Variants in SBF2 observed in about 807,000 individuals in gnomAD.
The protein encoded by SBF2 is SET binding factor 2.
A neutral mutation model predicts 225.2 loss-of-function variants in SBF2; 112 were observed. The observed-to-expected ratio is 0.50, with a 90% CI of 0.43 to 0.58. The LOEUF (loss-of-function observed/expected upper bound fraction) is 0.58. SBF2 is among the 20% of genes least tolerant of loss of function. The pLI, the probability that SBF2 is intolerant of heterozygous loss-of-function variation, is 0.00. For synonymous variants in SBF2, 763 were observed against 773.3 expected (o/e 0.99, Z 0.22); for missense variants, 1,996 against 2,206.2 (o/e 0.90, Z 1.91).
At chr11:10,198,827 C>T (rs568625176) in intron 1 of SBF2, among the ~76,000 whole-genome samples, 41 of 152,330 alleles carry the variant, frequency 2.7e-4, no homozygotes, top group African/African-American at 9.9e-4. Flanking sequence ...CATGAACCAA[C>T]CTCCAGCTTC....
Position 10,071,253 on chromosome 11 carries a change from TTCTC to T in SBF2, c.142-28276_142-28273del, listed in dbSNP as rs200926915. Among the ~76,000 whole-genome samples, 122 of 135,724 alleles carry T rather than the reference TTCTC, an allele frequency of 9.0e-4. 1 individual carries two copies. The highest frequency in any genetic ancestry group is 2.8e-3 in the African/African-American group (103 of 37,322). 89.0% of individuals were successfully genotyped at this position (135,724 alleles called of 152,430 possible). A position where few individuals can be genotyped will look rare whatever the true frequency, so the allele number is the denominator to read the frequency against. On this transcript the variant is annotated intron_variant, in intron 2 of 39. Coordinates refer to ENST00000256190, the MANE Select transcript of SBF2 (RefSeq NM_030962.4). ...TGTCTTGTGCCGGTTTTCTCTTTTT[TTCTC>T]TCTCTCTCTTTTTTTTTTTTTTTTT...
intron 1 of SBF2, among the ~76,000 whole-genome samples, chr11:10,214,894 T>C (rs773073881): frequency 6.6e-6 from 1 of 152,114 alleles, no homozygotes; most frequent in Non-Finnish European, 1.5e-5. Flanking sequence ...GGGCTTAAGA[T>C]AAGAATCAGA....
chr11:9,856,771 C>CTG (rs1247239966), intron 18 of SBF2, 51 bp from the exon 19 acceptor site: 1 of 1,494,846 alleles, frequency 6.7e-7, no homozygotes, highest in Admixed American at 1.9e-5. Flanking sequence ...TTCAGGTGAG[C>CTG]TTAAAAAACA....
chr11:10,092,607 TAGA>T (rs1407815234), intron 2 of SBF2, among the ~76,000 whole-genome samples: 1 of 152,220 alleles, frequency 6.6e-6, no homozygotes, highest in Non-Finnish European at 1.5e-5. Context: ...ATTCTAGAAC[TAGA>T]AATTAATTCT....
chr11:10,302,396 G>C (rs911487262), intron 1 of SBF2, among the ~76,000 whole-genome samples: 1 of 152,240 alleles, frequency 6.6e-6, no homozygotes, highest in African/African-American at 2.4e-5. Context: ...CTCCAAGATA[G>C]GGGCTTTCTA....
At chr11:9,787,324 C>T (rs1044334970) in intron 36 of SBF2, among the ~76,000 whole-genome samples, 4 of 152,174 alleles carry the variant, frequency 2.6e-5, no homozygotes, top group African/African-American at 9.7e-5. Flanking sequence ...CATTCCCCTC[C>T]TGCCTTATGT....
chr11:10,085,171 T>G (rs1331446299), intron 2 of SBF2, among the ~76,000 whole-genome samples: 1 of 152,256 alleles, frequency 6.6e-6, no homozygotes, highest in Non-Finnish European at 1.5e-5. Flanking sequence ...TACTGTTTTT[T>G]CAGGCTGACT....
intron 2 of SBF2, among the ~76,000 whole-genome samples, chr11:10,191,265 A>C (rs894037561): frequency 6.6e-6 from 1 of 152,206 alleles, no homozygotes; most frequent in Admixed American, 6.5e-5. Context: ...TATTATATCT[A>C]TCTTTGGTCT....
In SBF2 at chr11:9,858,292, C is replaced by G. The variant is rs752205856; in HGVS notation, c.2034G>C (p.Gln678His). 6.2e-7 allele frequency: 1 copy of G among 1,614,160 alleles called. No individual in the cohort carries two copies. The highest frequency in any genetic ancestry group is 2.2e-5 in the East Asian group (1 of 44,882). ...AGAGATAAAGGGAGCGAACCTGTTC[C>G]TGCACTGCATTGTAAAAGGTTGTCT... ...FWETTFYNAV[Q>H]EQVRSLYLSA... Residue 678 changes from glutamine to histidine, a missense_variant, in exon 18 of 40, where the codon CAG becomes CAC. Physicochemically the swap from Gln to His is conservative, Grantham distance 24 (BLOSUM62 0). Coordinates refer to ENST00000256190, the MANE Select transcript of SBF2 (RefSeq NM_030962.4).
chr11:10,037,363 G>A (rs1029877071), intron 3 of SBF2, among the ~76,000 whole-genome samples: 2 of 152,096 alleles, frequency 1.3e-5, no homozygotes, highest in African/African-American at 4.8e-5. Flanking sequence ...GTCTAGTCTT[G>A]TTGAATAAGA....
intron 2 of SBF2, among the ~76,000 whole-genome samples, chr11:10,063,252 T>C (rs1269158915): frequency 2.6e-5 from 4 of 151,928 alleles, no homozygotes; most frequent in East Asian, 3.9e-4. Context: ...TGTAATAATA[T>C]GTACAACAAA....
At chr11:10,233,320 C>T (rs1958931147) in intron 1 of SBF2, among the ~76,000 whole-genome samples, 1 of 151,946 alleles carries the variant, frequency 6.6e-6, no homozygotes, top group Admixed American at 6.6e-5. Context: ...ATGTTCTAAT[C>T]ATCATCAAAA....
chr11:10,075,926 A>G (rs1951082536), intron 2 of SBF2, among the ~76,000 whole-genome samples: 1 of 152,086 alleles, frequency 6.6e-6, no homozygotes, highest in African/African-American at 2.4e-5. Context: ...CGAGTTGGCA[A>G]ATTAGAGGCT....
At chr11:10,221,572 C>T (rs996975184) in intron 1 of SBF2, among the ~76,000 whole-genome samples, 4 of 152,086 alleles carry the variant, frequency 2.6e-5, no homozygotes, top group Admixed American at 2.6e-4. Context: ...GGGAATTTCC[C>T]CACACAAAAA....
At chr11:10,227,113 T>C (rs1958601094) in intron 1 of SBF2, among the ~76,000 whole-genome samples, 1 of 152,200 alleles carries the variant, frequency 6.6e-6, no homozygotes, top group African/African-American at 2.4e-5. Flanking sequence ...TTTGGCTGCA[T>C]AAATGTCTTC....
At chr11:10,190,820 C>T (rs1957136793) in intron 2 of SBF2, among the ~76,000 whole-genome samples, 1 of 152,168 alleles carries the variant, frequency 6.6e-6, no homozygotes, top group South Asian at 2.1e-4. Context: ...CTTAGTTCTT[C>T]CAAATCACAG....
At chr11:10,132,989 A>G (rs1282201958) in intron 2 of SBF2, among the ~76,000 whole-genome samples, 1 of 148,984 alleles carries the variant, frequency 6.7e-6, no homozygotes, top group Non-Finnish European at 1.5e-5. Flanking sequence ...CCTTGAGCTA[A>G]ACACAGGGTG....
At chr11:10,134,548 A>C (rs1309255576) in intron 2 of SBF2, among the ~76,000 whole-genome samples, 1 of 152,226 alleles carries the variant, frequency 6.6e-6, no homozygotes, top group African/African-American at 2.4e-5. Context: ...ATTACTTCCT[A>C]GATACAATGG....
intron 31 of SBF2, 51 bp from the exon 32 acceptor site, chr11:9,808,236 C>CTA: frequency 6.7e-7 from 1 of 1,503,626 alleles, no homozygotes; most frequent in Non-Finnish European, 9.2e-7. Flanking sequence ...TGAAAAAGGC[C>CTA]TATTACTAAG....
Sources: allele counts gnomAD v4.1 joint callset (sites outside exome capture counted in the v4.1 genomes callset), GRCh38; gene constraint gnomAD v4.1.1; transcripts MANE v1.5; gene names NCBI Gene and HGNC (gene_info 2026-07-23, HGNC 2026-07-21).